Variants in GABRG3 observed in about 807,000 individuals in gnomAD.
GABRG3 encodes gamma-aminobutyric acid type A receptor subunit gamma3.
A neutral mutation model predicts 48.8 loss-of-function variants in GABRG3; 25 were observed. That is an observed-to-expected ratio of 0.51 (90% CI 0.37 to 0.72). GABRG3 has a LOEUF of 0.72. GABRG3 is among the 30% of genes least tolerant of loss of function. The pLI is 0.00. For missense variants in GABRG3, 394 were observed against 577.9 expected (o/e 0.68, Z 3.26); for synonymous variants, 227 against 217.6 (o/e 1.04, Z -0.38).
At chr15:27,088,075 G>GT (rs1673876391) in intron 3 of GABRG3, among the ~76,000 whole-genome samples, 1 of 151,084 alleles carries the variant, frequency 6.6e-6, no homozygotes, top group Admixed American at 6.6e-5. Context: ...GTGCTGCAGT[G>GT]TGTGTGTGAG....
chr15:27,191,125 C>T (rs1888285975), intron 3 of GABRG3, among the ~76,000 whole-genome samples: 1 of 152,092 alleles, frequency 6.6e-6, no homozygotes, highest in Non-Finnish European at 1.5e-5. Flanking sequence ...TTTACATTTG[C>T]TGAGGAGAGC....
intron 3 of GABRG3, among the ~76,000 whole-genome samples, chr15:27,045,491 A>G (rs11263701): frequency 0.71 from 107,845 of 152,102 alleles, 38,644 homozygotes; most frequent in East Asian, 0.82. Context: ...CATCTACTGC[A>G]AGATAAACTA....
intron 2 of GABRG3, among the ~76,000 whole-genome samples, chr15:26,996,582 A>G (rs1220206972): frequency 1.3e-5 from 2 of 151,882 alleles, no homozygotes; most frequent in African/African-American, 2.4e-5. Flanking sequence ...CTGACCCTTT[A>G]ACCTCCTTCC....
intron 3 of GABRG3, among the ~76,000 whole-genome samples, chr15:27,264,409 A>G (rs959558473): frequency 3.3e-5 from 5 of 152,160 alleles, no homozygotes; most frequent in African/African-American, 7.2e-5. Context: ...ATAAAATACT[A>G]TATGAACTGC....
At chr15:27,003,004 A>G (rs539076891) in intron 2 of GABRG3, among the ~76,000 whole-genome samples, 4 of 151,680 alleles carry the variant, frequency 2.6e-5, no homozygotes, top group Middle Eastern at 3.4e-3. Context: ...TAAACAAAAC[A>G]AAACAAAAAC....
At chr15:27,320,851 T>A (rs558030906) in intron 3 of GABRG3, among the ~76,000 whole-genome samples, 2 of 152,368 alleles carry the variant, frequency 1.3e-5, no homozygotes, top group East Asian at 3.9e-4. Flanking sequence ...TTCATATTAA[T>A]AATTTATATT....
intron 5 of GABRG3, among the ~76,000 whole-genome samples, chr15:27,407,113 G>T (rs1199019048): frequency 6.6e-6 from 1 of 152,092 alleles, no homozygotes; most frequent in East Asian, 1.9e-4. Flanking sequence ...TTTTAGTAGG[G>T]ACAGGGTTTC....
rs192350085 is a variant in GABRG3 at position 27,152,245 on chromosome 15, C to T, written c.270+125424C>T. Among the ~76,000 whole-genome samples, 484 of 152,220 alleles carry T rather than the reference C, an allele frequency of 3.2e-3. 1 individual carries two copies. Among genetic ancestry groups the T allele is most frequent in the African/African-American group, 0.011 (468 of 41,540 alleles). ...ATTTGCTGAAAAGACTATGTTTCCTCCATGAAATCCCTTTTACACTTTGGT... is the reference window on the plus strand; with the variant it reads ...ATTTGCTGAAAAGACTATGTTTCCTTCATGAAATCCCTTTTACACTTTGGT... On this transcript the variant is annotated intron_variant, in intron 3 of 9. Coordinates refer to ENST00000615808, the MANE Select transcript of GABRG3 (RefSeq NM_033223.5).
At chr15:27,432,661 G>A (rs1435659918) in intron 5 of GABRG3, among the ~76,000 whole-genome samples, 1 of 152,144 alleles carries the variant, frequency 6.6e-6, no homozygotes, top group Admixed American at 6.5e-5. Flanking sequence ...CCTAAATTTA[G>A]CATCTTTAGC....
chr15:27,014,198 C>G (rs1895737053), intron 2 of GABRG3, among the ~76,000 whole-genome samples: 1 of 151,782 alleles, frequency 6.6e-6, no homozygotes, highest in African/African-American at 2.4e-5. Context: ...TCATTTTTTT[C>G]TTAGTCTAGC....
chr15:27,468,040 C>T (rs566443883), intron 5 of GABRG3, among the ~76,000 whole-genome samples: 5 of 152,336 alleles, frequency 3.3e-5, no homozygotes, highest in African/African-American at 1.2e-4. Flanking sequence ...CCATTAGTCA[C>T]TTCGGTACAG....
At chr15:27,524,921 A>G (rs974579362) in intron 7 of GABRG3, among the ~76,000 whole-genome samples, 1 of 152,214 alleles carries the variant, frequency 6.6e-6, no homozygotes, top group Non-Finnish European at 1.5e-5. Flanking sequence ...AGAAATTAGC[A>G]GAGAGGATTA....
chr15:27,215,696 C>T lies in GABRG3; in HGVS notation c.271-111113C>T, dbSNP rs1889224305. 4.6e-5 allele frequency among the ~76,000 whole-genome samples: 7 copies of T among 152,254 alleles called. No individual in the cohort carries two copies. In the South Asian group the frequency reaches 1.4e-3, roughly 32 times the overall value. On this transcript the variant is annotated intron_variant, in intron 3 of 9. Transcript: ENST00000615808. The stretch of plus-strand genomic sequence containing the variant: ...TCAGGTATGAATGACAGGATGAAGA[C>T]CAGGGCATTCTGATTGCTCGAGTCA...
chr15:27,264,600 AC>A (rs1890862478), intron 3 of GABRG3, among the ~76,000 whole-genome samples: 1 of 134,232 alleles, frequency 7.4e-6, no homozygotes, highest in Non-Finnish European at 1.6e-5. Flanking sequence ...TTTATAAAAA[AC>A]CCTCAAACCA....
At chr15:27,296,476 T>C (rs1595648592) in intron 3 of GABRG3, among the ~76,000 whole-genome samples, 1 of 152,244 alleles carries the variant, frequency 6.6e-6, no homozygotes, top group Middle Eastern at 3.4e-3. Context: ...TCAGAAATGG[T>C]AAGCAAGATG....
chr15:27,421,994 G>A (rs1310633710), intron 5 of GABRG3, among the ~76,000 whole-genome samples: 2 of 151,482 alleles, frequency 1.3e-5, no homozygotes, highest in Non-Finnish European at 2.9e-5. Flanking sequence ...AATACTGGGT[G>A]TTCTAAGATA....
At position 27,088,301 on chromosome 15, in the gene GABRG3, T is replaced by C. The variant is rs1026156180; in HGVS notation, c.270+61480T>C. On this transcript the variant is annotated intron_variant, in intron 3 of 9. Coordinates refer to ENST00000615808, the MANE Select transcript of GABRG3 (RefSeq NM_033223.5). ...GGCGCGGGCCAGGAGTGGGAAGTGGTGGCTAAAGGTGGGGTCCTCGTCCTG... is the reference window on the plus strand; with the variant it reads ...GGCGCGGGCCAGGAGTGGGAAGTGGCGGCTAAAGGTGGGGTCCTCGTCCTG... Among the ~76,000 whole-genome samples, 244 of 145,900 alleles carry C rather than the reference T, an allele frequency of 1.7e-3. 4 individuals carry two copies. In the East Asian group the frequency reaches 0.034, roughly 20 times the overall value.
Position 27,447,936 on chromosome 15 carries a change from C to T in GABRG3, c.575-32714C>T, listed in dbSNP as rs1888990913. ...TGATGGGTGCAGCAAACCACCATGGCACGTGTATACCTATGTAGCAAACCT... is the reference window on the plus strand; with the variant it reads ...TGATGGGTGCAGCAAACCACCATGGTACGTGTATACCTATGTAGCAAACCT... On this transcript the variant is annotated intron_variant, in intron 5 of 9. Transcript: ENST00000615808. The surrounding 1 kb of genome is among the most constrained non-coding windows in gnomAD (Gnocchi z 4.0). 6.6e-6 allele frequency among the ~76,000 whole-genome samples: 1 copy of T among 152,102 alleles called. No homozygotes were observed. The highest frequency in any genetic ancestry group is 6.6e-5 in the Admixed American group (1 of 15,252).
intron 3 of GABRG3, among the ~76,000 whole-genome samples, chr15:27,288,141 T>G (rs1301755996): frequency 2.0e-5 from 3 of 152,076 alleles, no homozygotes. Flanking sequence ...CAGACATGTC[T>G]ACTTCTCAAT....
Sources: allele counts gnomAD v4.1 joint callset (sites outside exome capture counted in the v4.1 genomes callset), GRCh38; gene constraint gnomAD v4.1.1; non-coding constraint Gnocchi (gnomAD v3.1); transcripts MANE v1.5; gene names NCBI Gene and HGNC (gene_info 2026-07-23, HGNC 2026-07-21).